Variants in TRAF3 observed in about 807,000 individuals in gnomAD.
TRAF3 encodes the protein TNF receptor associated factor 3.
In TRAF3, 13 loss-of-function variants were observed where a neutral mutation model predicts 62.3. The ratio of observed to expected loss-of-function variants is 0.21; its 90% CI spans 0.14 to 0.33. The LOEUF is 0.33. TRAF3 is among the 10% of genes least tolerant of loss of function. The pLI, the probability that TRAF3 is intolerant of heterozygous loss-of-function variation, is 1.00. For synonymous variants in TRAF3, 269 were observed against 283.4 expected (o/e 0.95, Z 0.51); for missense variants, 440 against 741.8 (o/e 0.59, Z 4.73).
intron 2 of TRAF3, among the ~76,000 whole-genome samples, chr14:102,844,986 C>T (rs1224331396): frequency 6.6e-6 from 1 of 152,108 alleles, no homozygotes; most frequent in East Asian, 1.9e-4. Context: ...CAAGCCCTGC[C>T]TCCTGGGTTC....
chr14:102,850,988 G>A (rs1039257866), intron 2 of TRAF3, among the ~76,000 whole-genome samples: 1 of 152,212 alleles, frequency 6.6e-6, no homozygotes, highest in African/African-American at 2.4e-5. Context: ...CCCAGCATGT[G>A]TATGATTGCC....
intron 1 of TRAF3, among the ~76,000 whole-genome samples, chr14:102,787,587 T>C (rs1340323613): frequency 1.3e-5 from 2 of 151,408 alleles, no homozygotes; most frequent in Non-Finnish European, 2.9e-5. Flanking sequence ...CCTGGGAGGC[T>C]GAGGCAGGAG....
chr14:102,813,206 C>T (rs1336266133), intron 1 of TRAF3, among the ~76,000 whole-genome samples: 1 of 42,342 alleles, frequency 2.4e-5, no homozygotes, highest in African/African-American at 4.0e-5. Flanking sequence ...AACTCCTGAC[C>T]TCAGATAATC....
chr14:102,803,814 C>T (rs941586896), intron 1 of TRAF3, among the ~76,000 whole-genome samples: 3 of 152,168 alleles, frequency 2.0e-5, no homozygotes, highest in African/African-American at 7.2e-5. Flanking sequence ...CTGTCCTTCA[C>T]TTGCAAGCAT....
Position 102,870,251 on chromosome 14 carries a change from C to A in TRAF3, c.50C>A (p.Pro17Gln). 6.2e-7 allele frequency: 1 copy of A among 1,614,174 alleles called. No individual in the cohort carries two copies. The highest frequency in any genetic ancestry group is 8.5e-7 in the Non-Finnish European group (1 of 1,180,034). Residue 17 changes from proline to glutamine, a missense_variant, in exon 3 of 12, where the codon CCG (proline) becomes CAG (glutamine). Physicochemically the swap from Pro to Gln is moderately conservative, Grantham distance 76. Around this residue, in one of 6 missense-constraint regions of TRAF3, gnomAD observed 40 missense variants for 38.3 expected, o/e 1.05. Transcript: ENST00000392745. ...TCTCCTGGCGCGCTGCAGACTAACC[C>A]GCCGCTAAAGCTGCACACTGACCGC... ...MDSPGALQTN[P>Q]PLKLHTDRSA...
rs1219139842 is a variant in TRAF3, at chr14:102,811,755, G to A, written c.-156-18579G>A. Among the ~76,000 whole-genome samples the A allele has an allele frequency of 2.7e-5, 3 of 110,586 alleles. No individual in the cohort carries two copies. The East Asian group carries it at 8.4e-4, about 31-fold the overall frequency. The allele number at this position is 110,586 out of a possible 152,430, so 72.5% of individuals were successfully genotyped here. A position where few individuals can be genotyped will look rare whatever the true frequency, so the allele number is the denominator to read the frequency against. ...TGTGTGTGTGTGTGTGTGTGTGTGT[G>A]TGTGTGTTTGTACAGACTGTCTCAC... On this transcript the variant is annotated intron_variant, in intron 1 of 11. Transcript: ENST00000392745.
chr14:102,892,364 C>G (rs930444261), intron 9 of TRAF3, among the ~76,000 whole-genome samples: 3 of 152,178 alleles, frequency 2.0e-5, no homozygotes, highest in Non-Finnish European at 4.4e-5. Flanking sequence ...AGCCTCCATG[C>G]TGTTCTTAAG....
At chr14:102,853,390 T>C (rs1456977673) in intron 2 of TRAF3, among the ~76,000 whole-genome samples, 2 of 152,170 alleles carry the variant, frequency 1.3e-5, no homozygotes, top group African/African-American at 4.8e-5. Context: ...TACCAGGCTG[T>C]GCGGGATTCA....
chr14:102,888,374 A>T (rs936666923), intron 7 of TRAF3, among the ~76,000 whole-genome samples: 16 of 152,148 alleles, frequency 1.1e-4, no homozygotes, highest in Admixed American at 5.2e-4. Context: ...CCTTCCTTGA[A>T]GGTTGACCCT....
At chr14:102,818,319 T>A (rs1319233000) in intron 1 of TRAF3, among the ~76,000 whole-genome samples, 1 of 152,174 alleles carries the variant, frequency 6.6e-6, no homozygotes, top group African/African-American at 2.4e-5. Context: ...TTTGTACAAT[T>A]TTAGTATGAT....
intron 1 of TRAF3, among the ~76,000 whole-genome samples, chr14:102,811,943 T>C (rs1054782653): frequency 7.6e-6 from 1 of 130,776 alleles, no homozygotes; most frequent in African/African-American, 3.4e-5. Context: ...TTTTTTTTTT[T>C]GTACAGACAG....
intron 1 of TRAF3, among the ~76,000 whole-genome samples, chr14:102,827,061 G>A (rs1465965232): frequency 1.3e-5 from 2 of 152,208 alleles, no homozygotes; most frequent in African/African-American, 2.4e-5. Flanking sequence ...AGGACCTCCC[G>A]CACCTGCTGA....
chr14:102,887,341 G>T (rs945585986), intron 7 of TRAF3, among the ~76,000 whole-genome samples: 2 of 152,212 alleles, frequency 1.3e-5, no homozygotes, highest in African/African-American at 4.8e-5. Context: ...GCATGCCCCT[G>T]ACTGAGCAAG....
chr14:102,837,693 C>T (rs1595348035), intron 2 of TRAF3, among the ~76,000 whole-genome samples: 1 of 151,738 alleles, frequency 6.6e-6, no homozygotes, highest in Non-Finnish European at 1.5e-5. Context: ...ATCTATTGGG[C>T]TTTATTGATA....
At chr14:102,796,905 C>T (rs1386254548) in intron 1 of TRAF3, among the ~76,000 whole-genome samples, 1 of 152,246 alleles carries the variant, frequency 6.6e-6, no homozygotes, top group Non-Finnish European at 1.5e-5. Context: ...TCATTGCTCT[C>T]GTGAGCCTTT....
At chr14:102,846,722 G>A (rs1417477328) in intron 2 of TRAF3, among the ~76,000 whole-genome samples, 6 of 151,850 alleles carry the variant, frequency 4.0e-5, no homozygotes, top group Non-Finnish European at 7.4e-5. Flanking sequence ...AGGCTAAGAT[G>A]GGAGAATTGC....
At chr14:102,867,573 A>G (rs1486454566) in intron 2 of TRAF3, among the ~76,000 whole-genome samples, 1 of 152,122 alleles carries the variant, frequency 6.6e-6, no homozygotes, top group African/African-American at 2.4e-5. Flanking sequence ...AGGCTCAGCC[A>G]TGGCCTGGCT....
chr14:102,800,667 GTTAA>G (rs1350593855), intron 1 of TRAF3, among the ~76,000 whole-genome samples: 1 of 146,794 alleles, frequency 6.8e-6, no homozygotes, highest in Non-Finnish European at 1.5e-5. Context: ...ACCACAGATG[GTTAA>G]TTAACATGTT....
intron 2 of TRAF3, among the ~76,000 whole-genome samples, chr14:102,860,659 TCACCC>T (rs1204974988): frequency 6.6e-6 from 1 of 152,188 alleles, no homozygotes; most frequent in Non-Finnish European, 1.5e-5. Context: ...ATGGCACAGG[TCACCC>T]AAATGCCAAC....
Sources: allele counts gnomAD v4.1 joint callset (sites outside exome capture counted in the v4.1 genomes callset), GRCh38; gene constraint gnomAD v4.1.1; regional missense constraint gnomAD v4.1.1; transcripts MANE v1.5; gene names NCBI Gene and HGNC (gene_info 2026-07-23, HGNC 2026-07-21).